The following ZC3H12B variants were observed in gnomAD, a reference collection of about 807,000 sequenced individuals.
The protein encoded by ZC3H12B is zinc finger CCCH-type containing 12B.
A neutral mutation model predicts 43.9 loss-of-function variants in ZC3H12B; 7 were observed. The observed-to-expected ratio is 0.16, with a 90% CI of 0.09 to 0.30. The LOEUF (loss-of-function observed/expected upper bound fraction) is 0.30, where lower values mean the gene tolerates loss of function less well. Among genes scored for constraint, ZC3H12B ranks in the 10% least tolerant of loss-of-function variants. ZC3H12B has a pLI of 1.00. For missense variants in ZC3H12B, 475 were observed against 670.2 expected (o/e 0.71, Z 3.22); for synonymous variants, 222 against 241.7 (o/e 0.92, Z 0.76).
At chrX:65,456,106 G>A (rs1234195057) in intron 3 of ZC3H12B, among the ~76,000 whole-genome samples, 2 of 111,360 alleles carry the variant, frequency 1.8e-5, no homozygotes, top group African/African-American at 3.3e-5. Context: ...CATAAGGACA[G>A]GATCAAATTC....
chrX:65,167,704 C>CCT, the ZC3H12B span, among the ~76,000 whole-genome samples: 1 of 111,567 alleles, frequency 9.0e-6, no homozygotes, highest in Non-Finnish European at 1.9e-5. Flanking sequence ...TTGTTTGTGT[C>CCT]CTCTTTTATT....
At chrX:65,388,942 CA>C (rs1258802754) in intron 2 of ZC3H12B, among the ~76,000 whole-genome samples, 1 of 111,768 alleles carries the variant, frequency 8.9e-6, no homozygotes, top group Non-Finnish European at 1.9e-5. Context: ...GTGGAGGCTG[CA>C]GAACAGCGGA....
chrX:65,076,676 A>G, the ZC3H12B span, among the ~76,000 whole-genome samples: 1 of 108,786 alleles, frequency 9.2e-6, no homozygotes, highest in African/African-American at 3.4e-5. Context: ...CTAATCTAGT[A>G]TTGAGTCCAT....
At chrX:65,324,465 T>G in the ZC3H12B span, among the ~76,000 whole-genome samples, 2 of 111,798 alleles carry the variant, frequency 1.8e-5, no homozygotes, top group African/African-American at 6.5e-5. Flanking sequence ...CTCTTAGAAT[T>G]GTTGTTGCTG....
the ZC3H12B span, chrX:65,187,040 A>G: frequency 8.9e-6 from 1 of 111,839 alleles, no homozygotes; most frequent in East Asian, 2.8e-4. Flanking sequence ...TTCTCTGGGT[A>G]GATACCTAGG....
chrX:65,133,432 G>A, the ZC3H12B span, among the ~76,000 whole-genome samples: 45 of 109,983 alleles, frequency 4.1e-4, no homozygotes, highest in African/African-American at 1.5e-3. Context: ...TCTAAGGGTT[G>A]TTGCCAAATG....
At chrX:65,340,067 G>C in the ZC3H12B span, among the ~76,000 whole-genome samples, 1 of 111,708 alleles carries the variant, frequency 9.0e-6, no homozygotes. Context: ...CCAGTGACCC[G>C]TTCCTGCACC....
the ZC3H12B span, among the ~76,000 whole-genome samples, chrX:65,224,016 G>A: frequency 8.9e-6 from 1 of 112,188 alleles, no homozygotes; most frequent in African/African-American, 3.2e-5. Context: ...ATTTATAGCA[G>A]CACAATTCAC....
intron 2 of ZC3H12B, among the ~76,000 whole-genome samples, chrX:65,376,809 C>T (rs1394346681): frequency 9.0e-6 from 1 of 110,819 alleles, no homozygotes; most frequent in Non-Finnish European, 1.9e-5. Context: ...TGAGTAAAAA[C>T]AAACCCAGAT....
chrX:65,424,756 G>A (rs2067060337), intron 3 of ZC3H12B, among the ~76,000 whole-genome samples: 1 of 111,340 alleles, frequency 9.0e-6, no homozygotes, highest in Non-Finnish European at 1.9e-5. Context: ...TGTCAGGTTT[G>A]TCAAAGATCA....
the ZC3H12B span, among the ~76,000 whole-genome samples, chrX:65,053,269 C>T: frequency 3.6e-5 from 4 of 110,788 alleles, no homozygotes; most frequent in Admixed American, 9.7e-5. Context: ...CCCCCCACCC[C>T]GCAACAGGCC....
At chrX:65,160,077 G>A in the ZC3H12B span, among the ~76,000 whole-genome samples, 1 of 112,033 alleles carries the variant, frequency 8.9e-6, no homozygotes, top group African/African-American at 3.2e-5. Context: ...ATTGATTTGT[G>A]TATATTGAAC....
Position 65,385,757 on chromosome X carries a change from T to C in ZC3H12B, n.296-12836T>C, listed in dbSNP as rs780310792. Among the ~76,000 whole-genome samples, 44 of 112,204 alleles carry C rather than the reference T, an allele frequency of 3.9e-4. 1 individual carries two copies. In the South Asian group the frequency reaches 4.8e-3, roughly 12 times the overall value. ...AGGGAATGCTTCCAGTTTTTGCCTA[T>C]TCAGTATGACATTGGCTGTCGGTTT... On this transcript the variant is annotated intron_variant and non_coding_transcript_variant, in intron 2 of 5. Coordinates refer to the ZC3H12B transcript ENST00000617377.
the ZC3H12B span, among the ~76,000 whole-genome samples, chrX:65,233,155 C>T: frequency 1.8e-5 from 2 of 111,663 alleles, no homozygotes; most frequent in African/African-American, 3.2e-5. Context: ...CAGTGGGGGA[C>T]ATTGAATCCC....
chrX:65,218,503 G>A, the ZC3H12B span, among the ~76,000 whole-genome samples: 36 of 111,570 alleles, frequency 3.2e-4, 1 homozygote, highest in Admixed American at 3.0e-3. Context: ...GGACTTTTGG[G>A]CTATAGGCTG....
chrX:65,148,625 C>T, the ZC3H12B span, among the ~76,000 whole-genome samples: 1 of 111,238 alleles, frequency 9.0e-6, no homozygotes, highest in Non-Finnish European at 1.9e-5. Context: ...TCTAGTGCTC[C>T]TTTCCCTCTT....
At chrX:65,147,118 A>G in the ZC3H12B span, among the ~76,000 whole-genome samples, 4 of 111,955 alleles carry the variant, frequency 3.6e-5, no homozygotes, top group Non-Finnish European at 7.5e-5. Flanking sequence ...TTTGAGTTTT[A>G]TACTCTCGTG....
intron 2 of ZC3H12B, among the ~76,000 whole-genome samples, chrX:65,383,558 C>A (rs1365523043): frequency 1.8e-5 from 2 of 111,564 alleles, no homozygotes; most frequent in Non-Finnish European, 3.8e-5. Context: ...GACTTCATGT[C>A]TAAAACACCA....
At chrX:65,207,026 T>G in the ZC3H12B span, among the ~76,000 whole-genome samples, 1 of 109,330 alleles carries the variant, frequency 9.1e-6, no homozygotes, top group East Asian at 2.9e-4. Context: ...GGTGTGGATG[T>G]GGTGAAAAGG....
Sources: gnomAD v4.1 joint callset for allele counts (sites outside exome capture counted in the v4.1 genomes callset) on GRCh38, gnomAD v4.1.1 for gene constraint, MANE v1.5 for transcripts, NCBI Gene and HGNC (gene_info 2026-07-23, HGNC 2026-07-21) for gene names.